Variants in ANTXR2 observed in about 807,000 individuals in gnomAD.
ANTXR2 encodes ANTXR cell adhesion molecule 2.
ANTXR2 carries 44 observed loss-of-function variants against 73.7 expected under a neutral mutation model. The ratio of observed to expected loss-of-function variants is 0.60; its 90% CI spans 0.47 to 0.77. The LOEUF (loss-of-function observed/expected upper bound fraction) is 0.77, where lower values mean the gene tolerates loss of function less well. ANTXR2 is among the 30% of genes least tolerant of loss of function. ANTXR2 has a pLI of 0.00. For missense variants in ANTXR2, 604 were observed against 592.5 expected (o/e 1.02, Z -0.20); for synonymous variants, 217 against 205.9 (o/e 1.05, Z -0.46).
chr4:80,031,163 G>C lies in ANTXR2; in HGVS notation c.866+460C>G, dbSNP rs75284963. Among the ~76,000 whole-genome samples the C allele has an allele frequency of 2.4e-3, 371 of 151,986 alleles. 8 individuals carry two copies. The East Asian group carries it at 0.04, about 16-fold the overall frequency. ...ATGTACAAGTATTTCCTAGTGCAAG[G>C]TGTGCCTTTTTTTAGCCATGTTCTT... On this transcript the variant is annotated intron_variant, in intron 10 of 16. Coordinates refer to ENST00000403729, the MANE Select transcript of ANTXR2 (RefSeq NM_058172.6).
chr4:80,067,611 C>T (rs1033403411), intron 3 of ANTXR2, among the ~76,000 whole-genome samples: 7 of 152,210 alleles, frequency 4.6e-5, no homozygotes, highest in African/African-American at 7.2e-5. Flanking sequence ...TTCATAAAGG[C>T]GAGAACTGTT....
intron 3 of ANTXR2, among the ~76,000 whole-genome samples, chr4:80,061,803 AC>A (rs1390046843): frequency 6.6e-6 from 1 of 152,138 alleles, no homozygotes; most frequent in African/African-American, 2.4e-5. Flanking sequence ...TTAATAAACC[AC>A]AAAATTAACC....
At chr4:79,993,336 G>C (rs941247189) in intron 12 of ANTXR2, among the ~76,000 whole-genome samples, 1 of 151,620 alleles carries the variant, frequency 6.6e-6, no homozygotes, top group Non-Finnish European at 1.5e-5. Context: ...GGAGAGAAGA[G>C]AGGAAGAAAC....
intron 8 of ANTXR2, among the ~76,000 whole-genome samples, chr4:80,033,922 GA>G (rs552124740): frequency 1.3e-4 from 20 of 151,958 alleles, no homozygotes; most frequent in Non-Finnish European, 2.9e-4. Flanking sequence ...ATACCAGGGG[GA>G]AAAAACTTTG....
chr4:80,056,513 G>C (rs533968339), intron 3 of ANTXR2, among the ~76,000 whole-genome samples: 1 of 151,786 alleles, frequency 6.6e-6, no homozygotes, highest in African/African-American at 2.4e-5. Context: ...TCCCAGAGTC[G>C]TAAGTCTCAT....
Position 79,905,696 on chromosome 4 carries a change from T to A in ANTXR2, c.*1733A>T, listed in dbSNP as rs1457442975. 6.6e-6 allele frequency: 1 copy of A among 152,212 alleles called. No homozygotes were observed. Among genetic ancestry groups the A allele is most frequent in the African/African-American group, 2.4e-5 (1 of 41,496 alleles). The allele number at this position is 152,212 out of a possible 1,614,324, so 9.4% of individuals were successfully genotyped here. ...TATATATGTATAGAAAATTATATAT[T>A]TGTGTGTGTGTGTAAGGCCTCTTGG... On this transcript the variant is annotated 3_prime_UTR_variant, in exon 17 of 17. Coordinates refer to ENST00000403729, the MANE Select transcript of ANTXR2 (RefSeq NM_058172.6).
At chr4:80,018,260 T>A (rs1409773015) in intron 11 of ANTXR2, among the ~76,000 whole-genome samples, 2 of 152,114 alleles carry the variant, frequency 1.3e-5, no homozygotes, top group Non-Finnish European at 2.9e-5. Flanking sequence ...CGTTTCCACG[T>A]GCAATAATAT....
intron 16 of ANTXR2, among the ~76,000 whole-genome samples, chr4:79,949,296 G>T (rs895061218): frequency 6.6e-6 from 1 of 152,142 alleles, no homozygotes; most frequent in Non-Finnish European, 1.5e-5. Context: ...GAGGGTGACA[G>T]GTAGTAATTA....
At chr4:79,922,360 C>T (rs1024609542) in intron 16 of ANTXR2, among the ~76,000 whole-genome samples, 1 of 152,054 alleles carries the variant, frequency 6.6e-6, no homozygotes, top group African/African-American at 2.4e-5. Context: ...AGAAACTAAA[C>T]ACACATCAAT....
chr4:79,945,299 C>T (rs921168232), intron 16 of ANTXR2, among the ~76,000 whole-genome samples: 1 of 151,934 alleles, frequency 6.6e-6, no homozygotes, highest in Non-Finnish European at 1.5e-5. Context: ...GCTAACCTAA[C>T]CCTGGAATAA....
chr4:79,920,442 C>T (rs1052710370), intron 16 of ANTXR2, among the ~76,000 whole-genome samples: 1 of 151,994 alleles, frequency 6.6e-6, no homozygotes, highest in African/African-American at 2.4e-5. Context: ...CATAGCACCA[C>T]CTATGAATAA....
In ANTXR2 at chr4:79,985,060, T is replaced by A. The variant is rs6534693; in HGVS notation, c.1042-197A>T. Among the ~76,000 whole-genome samples the A allele has an allele frequency of 0.76, 115,209 of 151,898 alleles. 43,966 individuals carry two copies. The highest frequency in any genetic ancestry group is 0.96 in the East Asian group (4,949 of 5,160). On this transcript the variant is annotated intron_variant, in intron 12 of 16. Coordinates refer to ENST00000403729, the MANE Select transcript of ANTXR2 (RefSeq NM_058172.6). ...TAGCTTTCGGCAAATAGAAAAAGGT[T>A]GAAGTGGGCCAGGTGCGGTCGCTCA...
intron 12 of ANTXR2, among the ~76,000 whole-genome samples, chr4:79,991,368 A>C (rs982964124): frequency 6.6e-6 from 1 of 152,226 alleles, no homozygotes; most frequent in Non-Finnish European, 1.5e-5. Flanking sequence ...ATTGCTAATC[A>C]TTAGAGAAAT....
At chr4:79,986,753 T>C (rs533569931) in intron 12 of ANTXR2, among the ~76,000 whole-genome samples, 18 of 152,142 alleles carry the variant, frequency 1.2e-4, no homozygotes, top group African/African-American at 4.1e-4. Context: ...CATCAGAGTG[T>C]TTTGCCAGCA....
At chr4:79,912,609 A>G (rs1727189668) in intron 16 of ANTXR2, among the ~76,000 whole-genome samples, 1 of 152,096 alleles carries the variant, frequency 6.6e-6, no homozygotes, top group African/African-American at 2.4e-5. Context: ...ACTATATGGT[A>G]AGCAAAGTAT....
At chr4:79,966,908 G>GAAGGCTTCATTTGTTCACAAGAA (rs1479051560) in intron 16 of ANTXR2, among the ~76,000 whole-genome samples, 3 of 81,818 alleles carry the variant, frequency 3.7e-5, no homozygotes, top group Admixed American at 1.7e-4. Context: ...TAGGGCGTCC[G>GAAGGCTTCATTTGTTCACAAGAA]GGGAGGAGCC....
chr4:80,031,735 A>C, intron 9 of ANTXR2, 43 bp from the exon 10 acceptor site: 1 of 1,193,344 alleles, frequency 8.4e-7, no homozygotes. Context: ...GGTTTTATGC[A>C]TCTCACACAG....
At chr4:80,032,960 A>T (rs974063263) in intron 9 of ANTXR2, among the ~76,000 whole-genome samples, 2 of 151,980 alleles carry the variant, frequency 1.3e-5, no homozygotes, top group African/African-American at 4.8e-5. Flanking sequence ...TCTTCAATAA[A>T]TTAACAAATT....
intron 11 of ANTXR2, among the ~76,000 whole-genome samples, chr4:80,016,172 C>T (rs1014931283): frequency 2.6e-5 from 4 of 151,938 alleles, no homozygotes; most frequent in South Asian, 2.1e-4. Context: ...ATTTCAACAC[C>T]GTAGAGTTTG....
Sources: gnomAD v4.1 joint callset for allele counts (sites outside exome capture counted in the v4.1 genomes callset) on GRCh38, gnomAD v4.1.1 for gene constraint, MANE v1.5 for transcripts, NCBI Gene and HGNC (gene_info 2026-07-23, HGNC 2026-07-21) for gene names.